Variants in FAM210A observed in about 807,000 individuals in gnomAD.
FAM210A encodes mitochondrial inner membrane scaffold 1.
Under a neutral mutation model 25.3 loss-of-function variants are expected in FAM210A, and 13 were observed. The observed-to-expected ratio is 0.51, with a 90% CI of 0.33 to 0.82. FAM210A has a LOEUF of 0.82. FAM210A is among the 40% of genes least tolerant of loss of function. The pLI is 0.02. For missense variants in FAM210A, 319 were observed against 323.2 expected (o/e 0.99, Z 0.10); for synonymous variants, 125 against 118.7 (o/e 1.05, Z -0.35).
intron 1 of FAM210A, among the ~76,000 whole-genome samples, chr18:13,696,987 C>T (rs867734886): frequency 2.0e-5 from 3 of 152,286 alleles, no homozygotes; most frequent in South Asian, 4.1e-4. Context: ...TGCATTTTTA[C>T]TGTAACTTTT....
intron 1 of FAM210A, among the ~76,000 whole-genome samples, chr18:13,698,731 A>C (rs2043715731): frequency 6.6e-6 from 1 of 152,196 alleles, no homozygotes; most frequent in Admixed American, 6.5e-5. Flanking sequence ...TTGCTGGGCA[A>C]AGGGCACAAG....
chr18:13,685,294 A>ATTTTT (rs71174190), intron 1 of FAM210A, among the ~76,000 whole-genome samples: 1 of 143,768 alleles, frequency 7.0e-6, no homozygotes. Context: ...CTGCAAAGCC[A>ATTTTT]TTTTTTTTTT....
chr18:13,698,623 G>C (rs1351813654), intron 1 of FAM210A, among the ~76,000 whole-genome samples: 3 of 152,076 alleles, frequency 2.0e-5, no homozygotes, highest in Non-Finnish European at 4.4e-5. Context: ...CAGGCCATGA[G>C]AAACACCCTG....
rs369115388 is a variant in FAM210A at position 13,683,112 on chromosome 18, T to C, written c.-28-1007A>G. 7.9e-5 allele frequency among the ~76,000 whole-genome samples: 12 copies of C among 152,174 alleles called. No individual in the cohort carries two copies. The East Asian group carries it at 2.3e-3, about 29-fold the overall frequency. On this transcript the variant is annotated intron_variant, in intron 1 of 3. Coordinates refer to ENST00000651643, the MANE Select transcript of FAM210A (RefSeq NM_152352.4). The stretch of plus-strand genomic sequence containing the variant: ...TAAAATGAAGATGACTTTACAGGAT[T>C]GTCACCAGGAATTACATAAAATTTC...
chr18:13,689,672 GA>G (rs58208374), intron 1 of FAM210A, among the ~76,000 whole-genome samples: 1 of 151,802 alleles, frequency 6.6e-6, no homozygotes, highest in African/African-American at 2.4e-5. Context: ...AACAAGGCAA[GA>G]AAAAAAATTT....
intron 1 of FAM210A, among the ~76,000 whole-genome samples, chr18:13,693,116 A>G (rs2043662499): frequency 6.6e-6 from 1 of 152,206 alleles, no homozygotes; most frequent in Non-Finnish European, 1.5e-5. Flanking sequence ...AATACTATAA[A>G]CACCTCTACA....
chr18:13,697,433 G>C (rs2043703844), intron 1 of FAM210A: 1 of 166,746 alleles, frequency 6.0e-6, no homozygotes, highest in South Asian at 1.9e-4. Context: ...ACCAAATGCT[G>C]GTGAGGATGT....
rs758038817 is a variant in FAM210A at position 13,681,788 on chromosome 18, GA to G, written c.289del (p.Ser97HisfsTer41). ...KQHVSFRRVFSSSATAQGTPE... is the reference protein window; with the variant it reads ...KQHVSFRRVFXSSATAQGTPE... Reference sequence around the variant, plus strand: ...AGTTCCCTGAGCTGTGGCACTGGATGAAAAAACCCTCCTGAATGAAACATGT... The same window carrying G: ...AGTTCCCTGAGCTGTGGCACTGGATGAAAAACCCTCCTGAATGAAACATGT... On this transcript the variant is annotated frameshift_variant, in exon 2 of 4. Transcript: ENST00000651643. LOFTEE classifies it high-confidence loss of function. 1.9e-6 allele frequency: 3 copies of G among 1,614,038 alleles called. No homozygotes were observed. The highest frequency in any genetic ancestry group is 2.5e-6 in the Non-Finnish European group (3 of 1,180,036).
chr18:13,701,208 G>C (rs1445965525), intron 1 of FAM210A, among the ~76,000 whole-genome samples: 1 of 152,122 alleles, frequency 6.6e-6, no homozygotes, highest in African/African-American at 2.4e-5. Flanking sequence ...AGAGCAGCTG[G>C]GGATCATGGT....
intron 1 of FAM210A, among the ~76,000 whole-genome samples, chr18:13,704,301 G>A (rs931895178): frequency 6.6e-6 from 1 of 152,048 alleles, no homozygotes; most frequent in Non-Finnish European, 1.5e-5. Flanking sequence ...AGTTGCATAA[G>A]GTTTATAAAA....
chr18:13,711,048 C>T (rs1471613079), intron 1 of FAM210A, among the ~76,000 whole-genome samples: 1 of 152,178 alleles, frequency 6.6e-6, no homozygotes, highest in Non-Finnish European at 1.5e-5. Context: ...CCCAATTTTT[C>T]TTCTTCCTGT....
At chr18:13,711,131 G>C (rs565681542) in intron 1 of FAM210A, among the ~76,000 whole-genome samples, 2 of 152,292 alleles carry the variant, frequency 1.3e-5, no homozygotes, top group African/African-American at 4.8e-5. Flanking sequence ...CAACACTTTG[G>C]GAGGCCAAGG....
rs375403193 is a variant in FAM210A, at chr18:13,667,679, T to C, written c.586-966A>G. Among the ~76,000 whole-genome samples, 109 of 152,056 alleles carry C rather than the reference T, an allele frequency of 7.2e-4. 3 individuals carry two copies. In the South Asian group the frequency reaches 0.015, roughly 21 times the overall value. ...GTTGCAGCGAACCGAGATTGTACCA[T>C]TGCGCTCCAGCCTGGGCGACAAGAG... On this transcript the variant is annotated intron_variant, in intron 3 of 3. Coordinates refer to ENST00000651643, the MANE Select transcript of FAM210A (RefSeq NM_152352.4).
At position 13,663,889 on chromosome 18, in the gene FAM210A, T is replaced by C. The variant is rs567365253; in HGVS notation, c.*2591A>G. 1 of 152,206 alleles carries C rather than the reference T, an allele frequency of 6.6e-6. No individual in the cohort carries two copies. Among genetic ancestry groups the C allele is most frequent in the African/African-American group, 2.4e-5 (1 of 41,446 alleles). 9.4% of individuals were successfully genotyped at this position (152,206 alleles called of 1,614,324 possible). A position where few individuals can be genotyped will look rare whatever the true frequency, so the allele number is the denominator to read the frequency against. ...GGCTGCTTCTGCCGAGCACTCGCAG[T>C]TCACAGAGGTTATAGGTGAATTAAT... On this transcript the variant is annotated 3_prime_UTR_variant, in exon 4 of 4. Coordinates refer to ENST00000651643, the MANE Select transcript of FAM210A (RefSeq NM_152352.4).
chr18:13,690,947 C>T (rs2043638795), intron 1 of FAM210A, among the ~76,000 whole-genome samples: 3 of 152,272 alleles, frequency 2.0e-5, no homozygotes, highest in East Asian at 1.9e-4. Context: ...TCGGTAATAA[C>T]AAACTTCTCC....
intron 1 of FAM210A, among the ~76,000 whole-genome samples, chr18:13,714,229 C>T (rs1391382010): frequency 3.9e-5 from 6 of 152,116 alleles, no homozygotes; most frequent in African/African-American, 1.2e-4. Flanking sequence ...GGAGACATGT[C>T]AGACATGAGT....
chr18:13,666,417 C>A lies in FAM210A; in HGVS notation c.*63G>T. On this transcript the variant is annotated 3_prime_UTR_variant, in exon 4 of 4. Coordinates refer to ENST00000651643, the MANE Select transcript of FAM210A (RefSeq NM_152352.4). ...CAAAAAAATAATCAGACACATGTATCTTTGCCCATAGTTTCCAAAGGGTTA... is the reference window on the plus strand; with the variant it reads ...CAAAAAAATAATCAGACACATGTATATTTGCCCATAGTTTCCAAAGGGTTA... The A allele has an allele frequency of 7.5e-7, 1 of 1,326,952 alleles. No individual in the cohort carries two copies. The highest frequency in any genetic ancestry group is 1.3e-5 in the South Asian group (1 of 75,612). The allele number at this position is 1,326,952 out of a possible 1,614,324, so 82.2% of individuals were successfully genotyped here.
chr18:13,681,865 C>T lies in FAM210A; in HGVS notation c.213G>A (p.Leu71=). The T allele has an allele frequency of 6.2e-7, 1 of 1,614,188 alleles. No individual in the cohort carries two copies. Among genetic ancestry groups the T allele is most frequent in the Non-Finnish European group, 8.5e-7 (1 of 1,180,044 alleles). The change falls in exon 2 of 4, where the codon TTG becomes TTA. Residue 71 remains leucine, a synonymous_variant. Coordinates refer to ENST00000651643, the MANE Select transcript of FAM210A (RefSeq NM_152352.4). ...AQCVAKERRP[L]DAHPPQPGVL... ...CTCCTGGTTGGGGTGGATGAGCATC[C>T]AATGGCCTCCTTTCCTTTGCAACAC...
chr18:13,700,258 G>A (rs1395670030), intron 1 of FAM210A, among the ~76,000 whole-genome samples: 1 of 152,198 alleles, frequency 6.6e-6, no homozygotes, highest in African/African-American at 2.4e-5. Context: ...TTCCATTGGA[G>A]AAACTAATAA....
Sources: allele counts gnomAD v4.1 joint callset (sites outside exome capture counted in the v4.1 genomes callset), GRCh38; gene constraint gnomAD v4.1.1; transcripts MANE v1.5; gene names NCBI Gene and HGNC (gene_info 2026-07-23, HGNC 2026-07-21).